Variants in MLH3 observed in about 807,000 individuals in gnomAD.
MLH3 encodes the protein DNA mismatch repair protein Mlh3.
MLH3 carries 82 observed loss-of-function variants against 122.2 expected under a neutral mutation model. The ratio of observed to expected loss-of-function variants is 0.67; its 90% CI spans 0.56 to 0.81. The LOEUF is 0.81. Among genes scored for constraint, MLH3 ranks in the 30% least tolerant of loss-of-function variants. MLH3 has a pLI of 0.00. For synonymous variants in MLH3, 524 were observed against 599.5 expected (o/e 0.87, Z 1.84); for missense variants, 1,539 against 1,714.5 (o/e 0.90, Z 1.81).
rs145627040 is a variant in MLH3 at position 75,032,172 on chromosome 14, G to A, written c.3723C>T (p.Tyr1241=). ...IRLEQLIIDS[Y]EKQQAQGSGR... ...CAGAGCCTTGTGCCTGTTGCTTCTCGTAGGAATCTATTGGCAGAAAGATGA... is the reference window on the plus strand; with the variant it reads ...CAGAGCCTTGTGCCTGTTGCTTCTCATAGGAATCTATTGGCAGAAAGATGA... The change falls in exon 8 of 13, where the codon TAC becomes TAT. Residue 1241 remains tyrosine (Y), a synonymous_variant. Transcript: ENST00000355774. The A allele has an allele frequency of 3.9e-5, 63 of 1,604,658 alleles. No homozygotes were observed. Among genetic ancestry groups the A allele is most frequent in the African/African-American group, 9.4e-5 (7 of 74,696 alleles).
At position 75,049,303 on chromosome 14, in the gene MLH3, T is replaced by G. The variant is rs756880206; in HGVS notation, c.353A>C (p.Lys118Thr). ...EISSKKNRTM[K>T]TFVKLFQSGK... The stretch of plus-strand genomic sequence containing the variant: ...ACTCTGAAACAGTTTCACAAAAGTT[T>G]TCATTGTCCTGTTTTTCTTGGACGA... The change falls in exon 2 of 13, where the codon AAA becomes ACA. Residue 118 changes from lysine (K) to threonine (T), a missense_variant. By Grantham distance (78) the Lys-to-Thr change is moderately conservative (BLOSUM62 -1). Coordinates refer to ENST00000355774, the MANE Select transcript of MLH3 (RefSeq NM_001040108.2). 6.2e-7 allele frequency: 1 copy of G among 1,614,214 alleles called. No homozygotes were observed. Among genetic ancestry groups the G allele is most frequent in the Non-Finnish European group, 8.5e-7 (1 of 1,180,030 alleles).
Position 75,023,008 on chromosome 14 carries a change from C to T in MLH3, c.3998G>A (p.Arg1333Gln), listed in dbSNP as rs866355517. ...VTKSIVEEFIREQLELLQTTG... is the reference protein window; with the variant it reads ...VTKSIVEEFIQEQLELLQTTG... Reference sequence around the variant, plus strand: ...GGAAAAGCTTACCTCCAGTTGTTCTCGGATAAATTCCTGCAAAGCAAAAGG... The same window carrying T: ...GGAAAAGCTTACCTCCAGTTGTTCTTGGATAAATTCCTGCAAAGCAAAAGG... The change falls in exon 10 of 13, where the codon CGA becomes CAA. Residue 1333 changes from arginine (R) to glutamine (Q), a missense_variant. By Grantham distance (43) the Arg-to-Gln change is conservative. Coordinates refer to ENST00000355774, the MANE Select transcript of MLH3 (RefSeq NM_001040108.2). The T allele has an allele frequency of 6.2e-6, 10 of 1,614,102 alleles. No homozygotes were observed. The highest frequency in any genetic ancestry group is 2.2e-5 in the East Asian group (1 of 44,902).
Position 75,038,405 on chromosome 14 carries a change from T to C in MLH3, c.3578A>G (p.Gln1193Arg), listed in dbSNP as rs1891571171. ...KGMIHSMQVLQQVDNKFIACL... is the reference protein window; with the variant it reads ...KGMIHSMQVLRQVDNKFIACL... ...GGCAATAAACTTGTTATCTACTTGC[T>C]GGAGAACCTGTCAGACATTCAAATA... Residue 1193 changes from glutamine to arginine, a missense_variant, in exon 6 of 13, where the codon CAG becomes CGG. Physicochemically the swap from Gln to Arg is conservative, Grantham distance 43. Coordinates refer to ENST00000355774, the MANE Select transcript of MLH3 (RefSeq NM_001040108.2). 2 of 1,610,066 alleles carry C rather than the reference T, an allele frequency of 1.2e-6. No individual in the cohort carries two copies. The highest frequency in any genetic ancestry group is 1.7e-6 in the Non-Finnish European group (2 of 1,176,398).
chr14:75,030,391 G>A (rs1436317002), intron 9 of MLH3, 152 bp downstream of exon 9: 2 of 809,894 alleles, frequency 2.5e-6, no homozygotes, highest in Admixed American at 3.7e-5. Flanking sequence ...CTTATTTTGA[G>A]CTAACTCATC....
chr14:75,041,785 C>A (rs1891876508), intron 3 of MLH3, 85 bp from the exon 4 acceptor site: 4 of 908,800 alleles, frequency 4.4e-6, no homozygotes, highest in Non-Finnish European at 7.4e-6. Context: ...TGAGCCATAG[C>A]CTCAAGACCA....
intron 9 of MLH3, 95 bp from the exon 10 acceptor site, chr14:75,023,113 A>T: frequency 7.2e-7 from 1 of 1,383,004 alleles, no homozygotes; most frequent in Non-Finnish European, 1.0e-6. Context: ...TCTTTAAATC[A>T]TGCCTCCTGA....
chr14:75,024,660 G>A (rs1216740596), intron 9 of MLH3, among the ~76,000 whole-genome samples: 1 of 152,144 alleles, frequency 6.6e-6, no homozygotes, highest in Non-Finnish European at 1.5e-5. Flanking sequence ...CAACTGCTAG[G>A]ATTCAAATAG....
At chr14:75,035,093 A>G (rs1282425500) in intron 6 of MLH3, among the ~76,000 whole-genome samples, 1 of 151,142 alleles carries the variant, frequency 6.6e-6, no homozygotes, top group Non-Finnish European at 1.5e-5. Flanking sequence ...AAAAGTAAAG[A>G]AAAAAAGAGA....
In MLH3 at chr14:75,049,220, C is replaced by T. The variant is rs747415046; in HGVS notation, c.436G>A (p.Val146Ile). 3.7e-6 allele frequency: 6 copies of T among 1,614,216 alleles called. No individual in the cohort carries two copies. The highest frequency in any genetic ancestry group is 4.2e-6 in the Non-Finnish European group (5 of 1,180,038). ...TGGTAAAATAGGTTATACACTGTTA[C>T]AGTAGTCCCAGCGCTTGCTCTAGTC... is the stretch of plus-strand genomic sequence containing the variant. ...DVTRASAGTT[V>I]TVYNLFYQLP... Residue 146 changes from valine (V) to isoleucine (I), a missense_variant, in exon 2 of 13, where the codon GTA becomes ATA. Coordinates refer to ENST00000355774, the MANE Select transcript of MLH3 (RefSeq NM_001040108.2).
At chr14:75,024,428 C>T (rs1200209955) in intron 9 of MLH3, among the ~76,000 whole-genome samples, 3 of 152,076 alleles carry the variant, frequency 2.0e-5, no homozygotes, top group Non-Finnish European at 4.4e-5. Context: ...CTCGAACTCC[C>T]GACCTCAGAT....
chr14:75,041,804 G>A (rs554059505), intron 3 of MLH3, 104 bp from the exon 4 acceptor site: 3 of 787,786 alleles, frequency 3.8e-6, no homozygotes, highest in South Asian at 2.8e-5. Context: ...CAAAGGTCAC[G>A]TACATTGTTT....
intron 11 of MLH3, among the ~76,000 whole-genome samples, chr14:75,022,342 C>T (rs1018840476): frequency 1.3e-5 from 2 of 152,218 alleles, no homozygotes; most frequent in African/African-American, 4.8e-5. Flanking sequence ...AAAAAGAACG[C>T]TTGCTAATTC....
In MLH3 at chr14:75,030,621, T is replaced by C; in HGVS notation, c.3909A>G (p.Lys1303=). The change falls in exon 9 of 13, where the codon AAA becomes AAG. Residue 1303 remains lysine (K), a synonymous_variant. Coordinates refer to ENST00000355774, the MANE Select transcript of MLH3 (RefSeq NM_001040108.2). ...DTSDSLVLVG[K]VPLCFVEREA... is the part of the protein sequence containing the mutation. ...CTCTTTCCACAAAACATAGTGGTAC[T>C]TTTCCCACAAGGACCAGAGAATCAC... 3 of 1,613,820 alleles carry C rather than the reference T, an allele frequency of 1.9e-6. No homozygotes were observed. The highest frequency in any genetic ancestry group is 2.5e-6 in the Non-Finnish European group (3 of 1,179,742).
In MLH3 at chr14:75,038,423, T is replaced by C; in HGVS notation, c.3571-11A>G. 2 of 1,555,606 alleles carry C rather than the reference T, an allele frequency of 1.3e-6. No individual in the cohort carries two copies. The highest frequency in any genetic ancestry group is 1.8e-6 in the Non-Finnish European group (2 of 1,127,072). ...TACTTGCTGGAGAACCTGTCAGACA[T>C]TCAAATAAGTGGTACAACACTAAAT... On this transcript the variant is annotated splice_polypyrimidine_tract_variant and intron_variant, in intron 5 of 12. Coordinates refer to ENST00000355774, the MANE Select transcript of MLH3 (RefSeq NM_001040108.2).
At chr14:75,039,865 ATATATATATATATATATT>A in intron 5 of MLH3, 28 bp downstream of exon 5, 7 of 344,482 alleles carry the variant, frequency 2.0e-5, no homozygotes, top group East Asian at 1.0e-4. Context: ...ATATATATAT[ATATATATATATATATATT>A]TATGAGATTT....
At chr14:75,030,809 G>T in intron 8 of MLH3, 107 bp from the exon 9 acceptor site, 1 of 895,392 alleles carries the variant, frequency 1.1e-6, no homozygotes, top group Admixed American at 2.1e-5. Flanking sequence ...CTGCCACAGG[G>T]CTTAACAACC....
At chr14:75,041,773 G>T in intron 3 of MLH3, 73 bp from the exon 4 acceptor site, 1 of 1,077,420 alleles carries the variant, frequency 9.3e-7, no homozygotes, top group Non-Finnish European at 1.4e-6. Context: ...TTTCCTGTTT[G>T]GTGAGCCATA....
At position 75,017,050 on chromosome 14, in the gene MLH3, C is replaced by G. The variant is rs754976496; in HGVS notation, c.*32G>C. 2.2e-5 allele frequency: 36 copies of G among 1,611,164 alleles called. No homozygotes were observed. The highest frequency in any genetic ancestry group is 8.9e-5 in the East Asian group (4 of 44,746). Reference sequence around the variant, plus strand: ...TGCTCAGAGGCATACAGTGAACATCCCTTTGTTCCTTTTAGACCAGTGATT... The same window carrying G: ...TGCTCAGAGGCATACAGTGAACATCGCTTTGTTCCTTTTAGACCAGTGATT... On this transcript the variant is annotated 3_prime_UTR_variant, in exon 13 of 13. Transcript: ENST00000355774.
At chr14:75,032,875 A>T (rs1228250131) in intron 7 of MLH3, among the ~76,000 whole-genome samples, 5 of 147,650 alleles carry the variant, frequency 3.4e-5, no homozygotes, top group African/African-American at 9.8e-5. Context: ...GGAAAGATAG[A>T]TTTAAAAACC....
Sources: allele counts gnomAD v4.1 joint callset (sites outside exome capture counted in the v4.1 genomes callset), GRCh38; gene constraint gnomAD v4.1.1; transcripts MANE v1.5; gene names NCBI Gene and HGNC (gene_info 2026-07-23, HGNC 2026-07-21).